RAB1A: variants seen among roughly 807,000 people sequenced by gnomAD.
RAB1A encodes RAB1A, member RAS oncogene family, also known as ras-related protein Rab-1A.
Under a neutral mutation model 26.0 loss-of-function variants are expected in RAB1A, and 2 were observed. That is an observed-to-expected ratio of 0.08 (90% confidence interval 0.03 to 0.24). The LOEUF (loss-of-function observed/expected upper bound fraction) is 0.24. RAB1A is among the 10% of genes least tolerant of loss of function. RAB1A has a pLI of 1.00. For synonymous variants in RAB1A, 84 were observed against 84.9 expected (o/e 0.99, Z 0.06); for missense variants, 100 against 247.0 (o/e 0.40, Z 3.99).
chr2:65,101,871 T>A (rs980235626), intron 2 of RAB1A, among the ~76,000 whole-genome samples: 6 of 146,900 alleles, frequency 4.1e-5, no homozygotes, highest in African/African-American at 1.5e-4. Flanking sequence ...TGCCTCAGCC[T>A]CCCAAGTAGC....
chr2:65,097,118 C>A (rs1669307071), intron 3 of RAB1A, among the ~76,000 whole-genome samples: 1 of 151,958 alleles, frequency 6.6e-6, no homozygotes, highest in Admixed American at 6.5e-5. Flanking sequence ...CCTTCCAATT[C>A]CATGTGTCAT....
At chr2:65,123,939 ACTGT>A (rs1482513976) in intron 1 of RAB1A, among the ~76,000 whole-genome samples, 4 of 152,152 alleles carry the variant, frequency 2.6e-5, no homozygotes, top group African/African-American at 4.8e-5. Flanking sequence ...ATGGTTAAAA[ACTGT>A]CTAACATCCC....
intron 2 of RAB1A, among the ~76,000 whole-genome samples, chr2:65,103,299 C>CCAAAAAAAAAAAAAAAAAA (rs1280376062): frequency 2.3e-5 from 1 of 44,102 alleles, no homozygotes; most frequent in African/African-American, 7.7e-5. Context: ...GAATCTGTCT[C>CCAAAAAAAAAAAAAAAAAA]AAAAAAAAAA....
At chr2:65,095,491 A>T (rs1480450135) in intron 3 of RAB1A, among the ~76,000 whole-genome samples, 1 of 148,438 alleles carries the variant, frequency 6.7e-6, no homozygotes, top group Non-Finnish European at 1.5e-5. Context: ...CTAGGACTAC[A>T]GGCATGGACC....
chr2:65,122,017 G>A (rs1333474913), intron 1 of RAB1A, among the ~76,000 whole-genome samples: 3 of 151,948 alleles, frequency 2.0e-5, no homozygotes, highest in Admixed American at 6.6e-5. Context: ...TTAGCTGGCC[G>A]TGGTGGTGGA....
rs936079194 is a variant in RAB1A, at chr2:65,087,602, G to A, written c.*891C>T. 1 of 152,560 alleles carries A rather than the reference G, an allele frequency of 6.6e-6. No homozygotes were observed. Among genetic ancestry groups the A allele is most frequent in the African/African-American group, 2.4e-5 (1 of 41,456 alleles). The allele number at this position is 152,560 out of a possible 1,614,324, so 9.5% of individuals were successfully genotyped here. A position where few individuals can be genotyped will look rare whatever the true frequency, so the allele number is the denominator to read the frequency against. On this transcript the variant is annotated 3_prime_UTR_variant, in exon 6 of 6. Coordinates refer to ENST00000409784, the MANE Select transcript of RAB1A (RefSeq NM_004161.5). ...TTTAGAGAAGGATCAGAGATAACGG[G>A]CTAGATAGCATACATTCTAAACTTG...
At chr2:65,106,265 A>G (rs1237099264) in intron 1 of RAB1A, 2 of 213,150 alleles carry the variant, frequency 9.4e-6, no homozygotes, top group Non-Finnish European at 9.8e-6. Flanking sequence ...TAGAATTTAT[A>G]TATCGTTTTT....
In RAB1A at chr2:65,109,569, G is replaced by A. The variant is rs185153632; in HGVS notation, c.24-4763C>T. Reference sequence around the variant, plus strand: ...AAAAAAAAATACAAAAATTAGCTCAGCATGGTGGCAGATGCCTGTAATCCC... The same window carrying A: ...AAAAAAAAATACAAAAATTAGCTCAACATGGTGGCAGATGCCTGTAATCCC... On this transcript the variant is annotated intron_variant, in intron 1 of 5. Coordinates refer to ENST00000409784, the MANE Select transcript of RAB1A (RefSeq NM_004161.5). Among the ~76,000 whole-genome samples, 483 of 152,024 alleles carry A rather than the reference G, an allele frequency of 3.2e-3. 3 individuals are homozygous for A. Among genetic ancestry groups the A allele is most frequent in the Non-Finnish European group, 3.6e-3 (247 of 67,958 alleles).
At position 65,087,005 on chromosome 2, in the gene RAB1A, T is replaced by G. The variant is rs1466227289; in HGVS notation, c.*1488A>C. On this transcript the variant is annotated 3_prime_UTR_variant, in exon 6 of 6. Coordinates refer to ENST00000409784, the MANE Select transcript of RAB1A (RefSeq NM_004161.5). ...GAAAAATAAAAATTAAAAAAACCTATTCATTTTTGGCTTGTGTTTAGCTTA... is the reference window on the plus strand; with the variant it reads ...GAAAAATAAAAATTAAAAAAACCTAGTCATTTTTGGCTTGTGTTTAGCTTA... 6.6e-6 allele frequency: 1 copy of G among 152,352 alleles called. No individual in the cohort carries two copies. The highest frequency in any genetic ancestry group is 2.4e-5 in the African/African-American group (1 of 41,452). The allele number at this position is 152,352 out of a possible 1,614,324, so 9.4% of individuals were successfully genotyped here.
At position 65,104,931 on chromosome 2, in the gene RAB1A, T is replaced by G. The variant is rs771381314; in HGVS notation, c.24-125A>C. 5.4e-5 allele frequency: 46 copies of G among 854,656 alleles called. No individual in the cohort carries two copies. The South Asian group carries it at 6.1e-4, about 11-fold the overall frequency. 52.9% of individuals were successfully genotyped at this position (854,656 alleles called of 1,614,324 possible). A position where few individuals can be genotyped will look rare whatever the true frequency, so the allele number is the denominator to read the frequency against. On this transcript the variant is annotated intron_variant, in intron 1 of 5. Transcript: ENST00000409784. ...AAGACTACATCTCCTATAAAGCCCA[T>G]GCATGGCTTAAGCCAAAACTGCAAA...
intron 1 of RAB1A, among the ~76,000 whole-genome samples, chr2:65,125,282 G>A (rs947270131): frequency 1.3e-5 from 2 of 151,958 alleles, no homozygotes; most frequent in Non-Finnish European, 2.9e-5. Flanking sequence ...AAGACAGGTA[G>A]ACATGCTTTA....
At chr2:65,089,154 A>G in intron 4 of RAB1A, 84 bp from the exon 5 acceptor site, 2 of 1,284,024 alleles carry the variant, frequency 1.6e-6, no homozygotes, top group Non-Finnish European at 2.1e-6. Flanking sequence ...GACCTAACAG[A>G]CAAATAACAA....
chr2:65,093,860 G>A (rs185250296), intron 3 of RAB1A, among the ~76,000 whole-genome samples: 23 of 152,212 alleles, frequency 1.5e-4, no homozygotes, highest in African/African-American at 4.8e-4. Context: ...CTGACCTTGT[G>A]ATCTGCGTGC....
intron 1 of RAB1A, among the ~76,000 whole-genome samples, chr2:65,127,588 T>C (rs1044514012): frequency 3.3e-5 from 5 of 151,462 alleles, no homozygotes; most frequent in African/African-American, 1.2e-4. Flanking sequence ...TAGCCGGGAG[T>C]GGTGGCACAT....
chr2:65,105,733 G>A (rs1669539968), intron 1 of RAB1A, among the ~76,000 whole-genome samples: 1 of 151,566 alleles, frequency 6.6e-6, no homozygotes, highest in Non-Finnish European at 1.5e-5. Context: ...CTCTACACTT[G>A]TATTAAAGCA....
At chr2:65,115,926 T>C (rs1346439592) in intron 1 of RAB1A, among the ~76,000 whole-genome samples, 1 of 152,010 alleles carries the variant, frequency 6.6e-6, no homozygotes, top group Non-Finnish European at 1.5e-5. Context: ...GAGGCCGAGG[T>C]GGGTGGATCA....
intron 1 of RAB1A, among the ~76,000 whole-genome samples, chr2:65,111,852 G>C (rs559310830): frequency 1.3e-5 from 2 of 152,226 alleles, no homozygotes; most frequent in African/African-American, 4.8e-5. Flanking sequence ...GGGAGGCCCA[G>C]GCAGGTGGAT....
At chr2:65,125,050 CAAAA>C (rs66712908) in intron 1 of RAB1A, among the ~76,000 whole-genome samples, 1 of 130,222 alleles carries the variant, frequency 7.7e-6, no homozygotes. Context: ...ACAATGCAAG[CAAAA>C]AAAAAAAAAA....
At chr2:65,107,329 T>C (rs1383936692) in intron 1 of RAB1A, among the ~76,000 whole-genome samples, 1 of 151,842 alleles carries the variant, frequency 6.6e-6, no homozygotes. Context: ...CCTCCCAAAG[T>C]GCTGGGAGTA....
Sources: allele counts gnomAD v4.1 joint callset (sites outside exome capture counted in the v4.1 genomes callset), GRCh38; gene constraint gnomAD v4.1.1; transcripts MANE v1.5; gene names NCBI Gene and HGNC (gene_info 2026-07-23, HGNC 2026-07-21).